Variants in ATXN7L1 observed in about 807,000 individuals in gnomAD.
ATXN7L1 encodes the protein ataxin-7-like protein 1.
In ATXN7L1, 15 loss-of-function variants were observed where a neutral mutation model predicts 70.8. The observed-to-expected ratio is 0.21, with a 90% CI of 0.14 to 0.33. ATXN7L1 has a LOEUF of 0.33. ATXN7L1 is among the 10% of genes least tolerant of loss of function. The pLI, the probability that ATXN7L1 is intolerant of heterozygous loss-of-function variation, is 1.00. For synonymous variants in ATXN7L1, 440 were observed against 445.1 expected (o/e 0.99, Z 0.14); for missense variants, 975 against 1,097.1 (o/e 0.89, Z 1.57).
intron 3 of ATXN7L1, among the ~76,000 whole-genome samples, chr7:105,670,553 T>C (rs1452341450): frequency 1.3e-5 from 2 of 152,200 alleles, no homozygotes; most frequent in Non-Finnish European, 2.9e-5. Flanking sequence ...TACATATACG[T>C]ATCAAATTCC....
At chr7:105,749,714 G>A (rs1294420376) in intron 3 of ATXN7L1, among the ~76,000 whole-genome samples, 1 of 148,078 alleles carries the variant, frequency 6.8e-6, no homozygotes, top group Non-Finnish European at 1.5e-5. Flanking sequence ...GTAGTAGACA[G>A]CATTAGGTTG....
At chr7:105,778,044 T>C (rs1310451406) in intron 3 of ATXN7L1, among the ~76,000 whole-genome samples, 1 of 152,234 alleles carries the variant, frequency 6.6e-6, no homozygotes, top group Non-Finnish European at 1.5e-5. Flanking sequence ...TGTTCACTAA[T>C]GCATCTGCAG....
intron 2 of ATXN7L1, among the ~76,000 whole-genome samples, chr7:105,842,497 CA>C (rs1192573126): frequency 1.3e-5 from 2 of 152,166 alleles, no homozygotes; most frequent in African/African-American, 4.8e-5. Flanking sequence ...TTTCACTTAA[CA>C]TAATGTTTTC....
intron 2 of ATXN7L1, among the ~76,000 whole-genome samples, chr7:105,815,205 G>A (rs1264675595): frequency 6.6e-6 from 1 of 152,190 alleles, no homozygotes; most frequent in Non-Finnish European, 1.5e-5. Context: ...GGAGCGAAGA[G>A]GGGGAGAAGT....
chr7:105,641,214 C>CTTTTTTT lies in ATXN7L1; in HGVS notation c.862+1617_862+1623dup, dbSNP rs561100060. 4.3e-3 allele frequency among the ~76,000 whole-genome samples: 93 copies of CTTTTTTT among 21,786 alleles called. 3 individuals are homozygous for CTTTTTTT. The highest frequency in any genetic ancestry group is 7.3e-3 in the African/African-American group (44 of 6,054). 14.3% of individuals were successfully genotyped at this position (21,786 alleles called of 152,430 possible). A position where few individuals can be genotyped will look rare whatever the true frequency, so the allele number is the denominator to read the frequency against. On this transcript the variant is annotated intron_variant, in intron 5 of 11. Transcript: ENST00000419735. ...GCCTTTTCTCTCTCTCTCTCTCTCT[C>CTTTTTTT]TTTTTTTTTTTTTTTTTTTTTTTTT...
chr7:105,805,792 A>ACCC (rs944304201), intron 2 of ATXN7L1, among the ~76,000 whole-genome samples: 5 of 151,996 alleles, frequency 3.3e-5, no homozygotes, highest in African/African-American at 1.2e-4. Context: ...CAGTGTGGTG[A>ACCC]GATGTGCTGG....
chr7:105,814,562 T>C (rs1808916351), intron 2 of ATXN7L1, among the ~76,000 whole-genome samples: 1 of 152,200 alleles, frequency 6.6e-6, no homozygotes, highest in African/African-American at 2.4e-5. Flanking sequence ...ATTACTTGAC[T>C]TTCAGGCAGT....
chr7:105,742,603 A>T (rs1341819937), intron 3 of ATXN7L1, among the ~76,000 whole-genome samples: 3 of 152,178 alleles, frequency 2.0e-5, no homozygotes, highest in Non-Finnish European at 4.4e-5. Flanking sequence ...GATGCAGGCA[A>T]TTTGGTTCCA....
intron 8 of ATXN7L1, among the ~76,000 whole-genome samples, chr7:105,620,896 GAA>G (rs10656477): frequency 6.9e-6 from 1 of 144,830 alleles, no homozygotes; most frequent in Non-Finnish European, 1.5e-5. Context: ...CTGTCTCAGA[GAA>G]AAAAAAAAAA....
At chr7:105,712,935 A>G (rs902818367) in intron 3 of ATXN7L1, among the ~76,000 whole-genome samples, 2 of 152,236 alleles carry the variant, frequency 1.3e-5, no homozygotes, top group Admixed American at 1.3e-4. Context: ...TCATACTGCT[A>G]TAAAGCACTA....
chr7:105,736,681 G>T (rs1797414752), intron 3 of ATXN7L1, among the ~76,000 whole-genome samples: 1 of 152,156 alleles, frequency 6.6e-6, no homozygotes, highest in Non-Finnish European at 1.5e-5. Flanking sequence ...ATAATTTCCA[G>T]TTCCCCTAAA....
chr7:105,821,725 A>C (rs1810194269), intron 2 of ATXN7L1, among the ~76,000 whole-genome samples: 1 of 152,232 alleles, frequency 6.6e-6, no homozygotes, highest in African/African-American at 2.4e-5. Flanking sequence ...TTAACTGCAA[A>C]ATGGAAATGG....
intron 2 of ATXN7L1, among the ~76,000 whole-genome samples, chr7:105,814,245 C>T (rs1210494079): frequency 6.6e-6 from 1 of 152,148 alleles, no homozygotes; most frequent in East Asian, 1.9e-4. Context: ...TGATGGCCCC[C>T]TGAAATTGAC....
chr7:105,742,180 T>C (rs1000611012), intron 3 of ATXN7L1, among the ~76,000 whole-genome samples: 2 of 152,242 alleles, frequency 1.3e-5, no homozygotes, highest in African/African-American at 2.4e-5. Flanking sequence ...AGAGTAAGCA[T>C]GCTCTGTCCT....
chr7:105,674,327 A>T (rs533355191), intron 3 of ATXN7L1, among the ~76,000 whole-genome samples: 1 of 152,292 alleles, frequency 6.6e-6, no homozygotes, highest in South Asian at 2.1e-4. Flanking sequence ...TTCAGTTAGG[A>T]GGGAAAGCAG....
chr7:105,727,746 G>GTGTGTATATATA (rs1333693053), intron 3 of ATXN7L1, among the ~76,000 whole-genome samples: 28 of 55,340 alleles, frequency 5.1e-4, no homozygotes, highest in East Asian at 2.8e-3. Context: ...GTGTATGTGT[G>GTGTGTATATATA]TATATATATA....
At chr7:105,669,294 C>T in intron 3 of ATXN7L1, among the ~76,000 whole-genome samples, 1 of 152,086 alleles carries the variant, frequency 6.6e-6, no homozygotes, top group Non-Finnish European at 1.5e-5. Flanking sequence ...GTTAGCCAGG[C>T]TGGTTTCAAA....
chr7:105,655,891 C>A (rs1428093333), intron 4 of ATXN7L1, among the ~76,000 whole-genome samples: 5 of 152,244 alleles, frequency 3.3e-5, no homozygotes, highest in Non-Finnish European at 7.3e-5. Flanking sequence ...AGGGCATGCA[C>A]AGGGAGGCCA....
chr7:105,771,805 C>T (rs910890668), intron 3 of ATXN7L1, among the ~76,000 whole-genome samples: 8 of 152,008 alleles, frequency 5.3e-5, no homozygotes, highest in Admixed American at 1.3e-4. Context: ...ATGTTAAAAA[C>T]GTAATGGCAA....
Sources: allele counts gnomAD v4.1 joint callset (sites outside exome capture counted in the v4.1 genomes callset), GRCh38; gene constraint gnomAD v4.1.1; transcripts MANE v1.5; gene names NCBI Gene and HGNC (gene_info 2026-07-23, HGNC 2026-07-21).